EIF3J: variants seen among roughly 807,000 people sequenced by gnomAD.
EIF3J encodes the protein eukaryotic translation initiation factor 3, subunit 1 (alpha, 35kD).
EIF3J carries 15 observed loss-of-function variants against 39.0 expected under a neutral mutation model. The ratio of observed to expected loss-of-function variants is 0.38; its 90% CI spans 0.26 to 0.59. EIF3J has a LOEUF of 0.59. Ranked by LOEUF, EIF3J falls within the 20% of genes least tolerant of loss-of-function variation. EIF3J has a pLI of 0.60. For synonymous variants in EIF3J, 98 were observed against 112.9 expected (o/e 0.87, Z 0.84); for missense variants, 226 against 308.6 (o/e 0.73, Z 2.00).
chr15:44,538,599 C>T (rs368015901), intron 2 of EIF3J, among the ~76,000 whole-genome samples: 2 of 152,084 alleles, frequency 1.3e-5, no homozygotes, highest in East Asian at 3.8e-4. Flanking sequence ...TGTGGATGTC[C>T]GATTTACTGA....
rs1360747978 is a variant in EIF3J, at chr15:44,559,235, T to TA, written c.572-1014_572-1013insA. 724 of 108,510 alleles carry TA rather than the reference T, an allele frequency of 6.7e-3. 6 individuals are homozygous for TA. Among genetic ancestry groups the TA allele is most frequent in the African/African-American group, 0.022 (700 of 31,544 alleles). The allele number at this position is 108,510 out of a possible 1,614,324, so 6.7% of individuals were successfully genotyped here. ...CCAACATGGTAAAACCTCATCTCTA[T>TA]TAAAAAAAAAAAAAAAAAACACAAA... On this transcript the variant is annotated intron_variant, in intron 6 of 7. Coordinates refer to ENST00000261868, the MANE Select transcript of EIF3J (RefSeq NM_003758.4).
chr15:44,560,185 T>G, intron 6 of EIF3J, 64 bp from the exon 7 acceptor site: 1 of 1,364,958 alleles, frequency 7.3e-7, no homozygotes, highest in African/African-American at 1.4e-5. Context: ...ATGTACATAT[T>G]TAGCTTTAAC....
At position 44,550,921 on chromosome 15, in the gene EIF3J, G is replaced by A; in HGVS notation, c.193G>A (p.Val65Ile). 1 of 1,608,892 alleles carries A rather than the reference G, an allele frequency of 6.2e-7. No homozygotes were observed. The highest frequency in any genetic ancestry group is 8.5e-7 in the Non-Finnish European group (1 of 1,176,930). The change falls in exon 3 of 8, where the codon GTA (valine) becomes ATA (isoleucine). Residue 65 changes from valine to isoleucine, a missense_variant. Around this residue, in one of 2 missense-constraint regions of EIF3J, gnomAD observed 143 missense variants for 156.0 expected, o/e 0.92. Transcript: ENST00000261868. Reference protein sequence around the residue: ...DDDEKKEEAEVKPEVKISEKK... With the variant: ...DDDEKKEEAEIKPEVKISEKK... Reference sequence around the variant, plus strand: ...TGATGAAAAAAAAGAGGAAGCAGAAGTAAAACCAGGTGAGCCACTGGGGCG... The same window carrying A: ...TGATGAAAAAAAAGAGGAAGCAGAAATAAAACCAGGTGAGCCACTGGGGCG...
Position 44,537,344 on chromosome 15 carries a change from G to A in EIF3J, c.64G>A (p.Glu22Lys). ...DSWDADAFSV[E>K]DPVRKVGGGG... Reference sequence around the variant, plus strand: ...CGTAGACGCCGACGCTTTCTCCGTGGAAGACCCAGTGCGGAAGGTGGGGGG... The same window carrying A: ...CGTAGACGCCGACGCTTTCTCCGTGAAAGACCCAGTGCGGAAGGTGGGGGG... Residue 22 changes from glutamate (E) to lysine (K), a missense_variant, in exon 2 of 8, where the codon GAA becomes AAA. Physicochemically the swap from Glu to Lys is moderately conservative, Grantham distance 56. Coordinates refer to ENST00000261868, the MANE Select transcript of EIF3J (RefSeq NM_003758.4). 1 of 1,566,188 alleles carries A rather than the reference G, an allele frequency of 6.4e-7. No individual in the cohort carries two copies. The highest frequency in any genetic ancestry group is 8.7e-7 in the Non-Finnish European group (1 of 1,155,420).
rs1440107966 is a variant in EIF3J at position 44,555,345 on chromosome 15, TA to T, written c.409+681del. On this transcript the variant is annotated intron_variant, in intron 5 of 7. Transcript: ENST00000261868. ...GAGTAGAAGATCATGTTGAAACAGTTAAATCACTGAAATTTATAACCAAGAA... is the reference window on the plus strand; with the variant it reads ...GAGTAGAAGATCATGTTGAAACAGTTAATCACTGAAATTTATAACCAAGAA... Among the ~76,000 whole-genome samples, 5 of 152,346 alleles carry T rather than the reference TA, an allele frequency of 3.3e-5. No individual in the cohort carries two copies. In the East Asian group the frequency reaches 9.6e-4, roughly 29 times the overall value.
intron 2 of EIF3J, among the ~76,000 whole-genome samples, chr15:44,538,281 T>C (rs987665145): frequency 2.0e-5 from 3 of 151,770 alleles, no homozygotes; most frequent in Middle Eastern, 3.4e-3. Flanking sequence ...GACATTTACT[T>C]CTACATGGTT....
intron 6 of EIF3J, among the ~76,000 whole-genome samples, chr15:44,559,432 C>T (rs1436422994): frequency 2.0e-5 from 3 of 150,950 alleles, no homozygotes; most frequent in East Asian, 3.9e-4. Context: ...TAAAATAGGC[C>T]GGGTGCGGTG....
rs959768907 is a variant in EIF3J, at chr15:44,556,390, G to A, written c.410-1099G>A. Among the ~76,000 whole-genome samples, 10 of 152,042 alleles carry A rather than the reference G, an allele frequency of 6.6e-5. No homozygotes were observed. In the East Asian group the frequency reaches 2.0e-3, roughly 30 times the overall value. ...AGGTTCTTGCTCAGTCATCCAGTCT[G>A]GAATGCAGTGGCATGACCATAGCTC... On this transcript the variant is annotated intron_variant, in intron 5 of 7. Coordinates refer to ENST00000261868, the MANE Select transcript of EIF3J (RefSeq NM_003758.4).
At chr15:44,537,287 A>G in intron 1 of EIF3J, 37 bp from the exon 2 acceptor site, 1 of 1,564,108 alleles carries the variant, frequency 6.4e-7, no homozygotes, top group Non-Finnish European at 8.7e-7. Flanking sequence ...GGCCCCACGC[A>G]GTGGCAGGCA....
chr15:44,544,295 G>T (rs1448207774), intron 2 of EIF3J, among the ~76,000 whole-genome samples: 5 of 151,260 alleles, frequency 3.3e-5, no homozygotes, highest in Non-Finnish European at 5.9e-5. Flanking sequence ...ACAGGGGTTT[G>T]CCATGTTGGC....
intron 2 of EIF3J, among the ~76,000 whole-genome samples, chr15:44,544,832 G>A (rs750223615): frequency 4.0e-5 from 6 of 151,546 alleles, no homozygotes; most frequent in Non-Finnish European, 4.4e-5. Context: ...GGTGAAACCC[G>A]GTCTCTACTA....
In EIF3J at chr15:44,559,999, C is replaced by T. The variant is rs531578604; in HGVS notation, c.572-250C>T. 2.0e-5 allele frequency among the ~76,000 whole-genome samples: 3 copies of T among 152,306 alleles called. No individual in the cohort carries two copies. The East Asian group carries it at 5.8e-4, about 29-fold the overall frequency. ...TTCCTGGGCTTAAGTGATCCACCCA[C>T]CTAGGCCTCCCAAAATGCTGGGATT... On this transcript the variant is annotated intron_variant, in intron 6 of 7. Transcript: ENST00000261868.
chr15:44,541,858 A>T (rs1025160784), intron 2 of EIF3J, among the ~76,000 whole-genome samples: 3 of 152,218 alleles, frequency 2.0e-5, no homozygotes, highest in African/African-American at 7.2e-5. Context: ...TCCTCCAACC[A>T]GATTATTTTC....
chr15:44,549,679 A>G (rs1407109505), intron 2 of EIF3J, among the ~76,000 whole-genome samples: 1 of 149,738 alleles, frequency 6.7e-6, no homozygotes, highest in African/African-American at 2.5e-5. Flanking sequence ...AGGCAGGAGA[A>G]TCACTTGAAC....
Position 44,562,587 on chromosome 15 carries a change from A to G in EIF3J, c.*1438A>G, listed in dbSNP as rs2288342. 0.097 allele frequency: 14,923 copies of G among 153,498 alleles called. 1,508 individuals carry two copies. The highest frequency in any genetic ancestry group is 0.24 in the African/African-American group (9,869 of 41,486). The allele number at this position is 153,498 out of a possible 1,614,324, so 9.5% of individuals were successfully genotyped here. A position where few individuals can be genotyped will look rare whatever the true frequency, so the allele number is the denominator to read the frequency against. On this transcript the variant is annotated 3_prime_UTR_variant, in exon 8 of 8. Transcript: ENST00000261868. ...AAGACCATCATCTAAGTGATTTGAG[A>G]AATTAACAAAAGTAGTGACTACACA...
At position 44,561,009 on chromosome 15, in the gene EIF3J, C is replaced by T. The variant is rs753296243; in HGVS notation, c.646-9C>T. 7 of 1,612,488 alleles carry T rather than the reference C, an allele frequency of 4.3e-6. No individual in the cohort carries two copies. The highest frequency in any genetic ancestry group is 5.9e-6 in the Non-Finnish European group (7 of 1,179,516). On this transcript the variant is annotated splice_polypyrimidine_tract_variant and intron_variant, in intron 7 of 7. Coordinates refer to ENST00000261868, the MANE Select transcript of EIF3J (RefSeq NM_003758.4). ...TAAGGTTCATGAATTAACTCTCTTT[C>T]ATCTTTAGCAAAGCAAAGCCAAAAA...
intron 2 of EIF3J, among the ~76,000 whole-genome samples, chr15:44,549,196 T>G (rs1425797489): frequency 6.7e-6 from 1 of 149,364 alleles, no homozygotes. Flanking sequence ...GAGTTCGAGA[T>G]CAGCCTGACC....
Position 44,537,232 on chromosome 15 carries a change from C to T in EIF3J, c.38C>T (p.Ser13Phe), listed in dbSNP as rs779149349. Residue 13 changes from serine (S) to phenylalanine (F), a missense_variant, in exon 1 of 8, where the codon TCC (serine) becomes TTC (phenylalanine). Transcript: ENST00000261868. ...GCGGCGGCGGCGGGGGACTCGGACT[C>T]CTGGGGTGAGGAGAAGTTGCTGGGG... is the stretch of plus-strand genomic sequence containing the variant. ...AAAAAAGDSD[S>F]WDADAFSVED... is the part of the protein sequence containing the mutation. 1.0e-5 allele frequency: 16 copies of T among 1,594,042 alleles called. No individual in the cohort carries two copies. The highest frequency in any genetic ancestry group is 1.2e-5 in the Non-Finnish European group (14 of 1,170,880).
chr15:44,558,706 C>A (rs1003985679), intron 6 of EIF3J: 1 of 152,008 alleles, frequency 6.6e-6, no homozygotes. Context: ...TCCCAAAGTA[C>A]TGGGATTATA....
Sources: gnomAD v4.1 joint callset for allele counts (sites outside exome capture counted in the v4.1 genomes callset) on GRCh38, gnomAD v4.1.1 for gene constraint, gnomAD v4.1.1 regional missense constraint, MANE v1.5 for transcripts, NCBI Gene and HGNC (gene_info 2026-07-23, HGNC 2026-07-21) for gene names.